FHIT: variants seen among roughly 807,000 people sequenced by gnomAD.
The protein encoded by FHIT is fragile histidine triad diadenosine triphosphatase.
In FHIT, 19 loss-of-function variants were observed where a neutral mutation model predicts 17.9. That is an observed-to-expected ratio of 1.06 (90% CI 0.74 to 1.56). The LOEUF is 1.56. Ranked by LOEUF, FHIT falls within the 40% of genes most tolerant of loss-of-function variation. The pLI is 0.00. For synonymous variants in FHIT, 81 were observed against 69.7 expected (o/e 1.16, Z -0.81); for missense variants, 248 against 189.2 (o/e 1.31, Z -1.82).
intron 1 of FHIT, among the ~76,000 whole-genome samples, chr3:61,228,043 T>C (rs2106858391): frequency 6.6e-6 from 1 of 152,278 alleles, no homozygotes; most frequent in East Asian, 1.9e-4. Context: ...CTACAGCTAC[T>C]TTAAAGCAAT....
chr3:61,178,988 C>A (rs1283070679), intron 2 of FHIT, among the ~76,000 whole-genome samples: 4 of 149,466 alleles, frequency 2.7e-5, no homozygotes, highest in African/African-American at 9.9e-5. Context: ...CACAAGCCTA[C>A]ATTATTTCTT....
At chr3:60,237,958 A>G (rs1211905451) in intron 5 of FHIT, among the ~76,000 whole-genome samples, 1 of 151,912 alleles carries the variant, frequency 6.6e-6, no homozygotes. Flanking sequence ...CAACATGGTG[A>G]AACTCCATCT....
chr3:60,702,335 C>T (rs2041268683), intron 4 of FHIT, among the ~76,000 whole-genome samples: 1 of 151,976 alleles, frequency 6.6e-6, no homozygotes, highest in African/African-American at 2.4e-5. Context: ...TGTTGCCATT[C>T]TGATAAATTA....
intron 5 of FHIT, among the ~76,000 whole-genome samples, chr3:60,033,629 T>C (rs994957371): frequency 2.0e-5 from 3 of 151,712 alleles, no homozygotes; most frequent in African/African-American, 4.8e-5. Flanking sequence ...CTTCTAGCAA[T>C]TGCCTTAAAA....
intron 4 of FHIT, among the ~76,000 whole-genome samples, chr3:60,701,534 C>T (rs1553702142): frequency 6.6e-6 from 1 of 151,996 alleles, no homozygotes; most frequent in Non-Finnish European, 1.5e-5. Flanking sequence ...GGAGTCGAAG[C>T]TGTCCTCTTT....
At chr3:61,231,887 C>T (rs1234166602) in intron 1 of FHIT, among the ~76,000 whole-genome samples, 1 of 152,120 alleles carries the variant, frequency 6.6e-6, no homozygotes, top group Admixed American at 6.5e-5. Flanking sequence ...CAGGAATGTG[C>T]CCTTATTTTT....
intron 5 of FHIT, among the ~76,000 whole-genome samples, chr3:60,196,760 T>C (rs1188408571): frequency 6.6e-6 from 1 of 151,890 alleles, no homozygotes; most frequent in Non-Finnish European, 1.5e-5. Context: ...CACACACATA[T>C]CCATTACATA....
chr3:61,167,447 G>A (rs1176164351), intron 2 of FHIT, among the ~76,000 whole-genome samples: 1 of 151,366 alleles, frequency 6.6e-6, no homozygotes, highest in Non-Finnish European at 1.5e-5. Context: ...GACCAGCCTG[G>A]CCAACATGGC....
chr3:60,162,867 T>C (rs371673497), intron 5 of FHIT, among the ~76,000 whole-genome samples: 5 of 152,170 alleles, frequency 3.3e-5, no homozygotes, highest in African/African-American at 1.2e-4. Context: ...AATTTTTGAC[T>C]AAGGTAAACA....
chr3:59,864,980 C>G (rs568438695), intron 8 of FHIT, among the ~76,000 whole-genome samples: 1 of 152,138 alleles, frequency 6.6e-6, no homozygotes, highest in Non-Finnish European at 1.5e-5. Flanking sequence ...AGTTGTATTA[C>G]TACTACTGTC....
At chr3:60,792,557 C>G (rs1700820651) in intron 4 of FHIT, among the ~76,000 whole-genome samples, 1 of 152,200 alleles carries the variant, frequency 6.6e-6, no homozygotes, top group Admixed American at 6.5e-5. Flanking sequence ...CTGGCTCACA[C>G]TGACAACCAG....
At chr3:60,108,890 C>T (rs575196379) in intron 5 of FHIT, among the ~76,000 whole-genome samples, 12 of 152,186 alleles carry the variant, frequency 7.9e-5, no homozygotes, top group South Asian at 2.1e-4. Flanking sequence ...CTCGTACTCC[C>T]GACCTCAAGT....
intron 3 of FHIT, among the ~76,000 whole-genome samples, chr3:60,906,490 G>A (rs933408543): frequency 9.9e-5 from 15 of 152,156 alleles, no homozygotes; most frequent in East Asian, 1.9e-4. Flanking sequence ...CCCACCTAGC[G>A]GCCAAAACTT....
intron 5 of FHIT, among the ~76,000 whole-genome samples, chr3:60,521,270 C>T (rs1029516114): frequency 2.6e-5 from 4 of 151,580 alleles, no homozygotes; most frequent in Non-Finnish European, 4.4e-5. Context: ...TTTTTTGAGG[C>T]GGAGGCTTGC....
At chr3:60,013,882 T>C (rs1055491854) in intron 6 of FHIT, 125 bp downstream of exon 6, 3 of 1,002,174 alleles carry the variant, frequency 3.0e-6, no homozygotes, top group African/African-American at 3.2e-5. Context: ...AAATCTCTTT[T>C]TTTGGCTGCT....
chr3:60,569,732 T>TATATATATATATATATATAC (rs1553654691), intron 4 of FHIT, among the ~76,000 whole-genome samples: 46 of 31,726 alleles, frequency 1.4e-3, no homozygotes, highest in Middle Eastern at 0.011. Context: ...ATACTATATA[T>TATATATATATATATATATAC]ATATATATAT....
At chr3:60,276,030 C>G (rs1707114207) in intron 5 of FHIT, among the ~76,000 whole-genome samples, 1 of 151,716 alleles carries the variant, frequency 6.6e-6, no homozygotes, top group African/African-American at 2.4e-5. Context: ...CTCAGTCGCC[C>G]AGGCTGGAGT....
At chr3:60,160,828 CAG>C (rs5849337) in intron 5 of FHIT, among the ~76,000 whole-genome samples, 63,339 of 144,404 alleles carry the variant, frequency 0.44, 14,745 homozygotes, top group South Asian at 0.72. Flanking sequence ...GTGAGTGTGA[CAG>C]AGAGAGAGAG....
chr3:60,476,795 C>T lies in FHIT; in HGVS notation c.103+60065G>A, dbSNP rs138264546. Among the ~76,000 whole-genome samples the T allele has an allele frequency of 1.0e-3, 154 of 151,640 alleles. 2 individuals are homozygous for T. The East Asian group carries it at 0.029, about 28-fold the overall frequency. ...GTGAAAACTCAGCTTCTGGCCTTGT[C>T]GGAGGTACTTAAGTGAGCATCATTT... is the stretch of plus-strand genomic sequence containing the variant. On this transcript the variant is annotated intron_variant, in intron 5 of 9. Coordinates refer to ENST00000492590, the MANE Select transcript of FHIT (RefSeq NM_002012.4).
Sources: allele counts gnomAD v4.1 joint callset (sites outside exome capture counted in the v4.1 genomes callset), GRCh38; gene constraint gnomAD v4.1.1; transcripts MANE v1.5; gene names NCBI Gene and HGNC (gene_info 2026-07-23, HGNC 2026-07-21).